Variants in RANBP17 observed in about 807,000 individuals in gnomAD.
RANBP17 encodes the protein ran-binding protein 17.
A neutral mutation model predicts 141.2 loss-of-function variants in RANBP17; 158 were observed. The observed-to-expected ratio is 1.12, with a 90% confidence interval of 0.98 to 1.28. The LOEUF (loss-of-function observed/expected upper bound fraction) is 1.28, where lower values mean the gene tolerates loss of function less well. Ranked by LOEUF, RANBP17 falls within the 50% of genes most tolerant of loss-of-function variation. The probability of loss-of-function intolerance (pLI) is 0.00; values close to 1 mark genes in which losing one functional copy is unlikely to be tolerated. For synonymous variants in RANBP17, 430 were observed against 450.0 expected (o/e 0.96, Z 0.56); for missense variants, 1,438 against 1,290.7 (o/e 1.11, Z -1.75).
In RANBP17 at chr5:170,924,449, CAT is replaced by C. The variant is rs1182676953; in HGVS notation, c.1368_1369del (p.Ala458SerfsTer56). ...GTCAGCAGATGTGAATATGAAAAGA[CAT>C]GTGCTCTTCTTGTGCAGTTATTCGA... On this transcript the variant is annotated frameshift_variant, in exon 12 of 28. Coordinates refer to ENST00000523189, the MANE Select transcript of RANBP17 (RefSeq NM_022897.5). LOFTEE classifies it high-confidence loss of function. The C allele has an allele frequency of 1.8e-5, 29 of 1,613,394 alleles. No individual in the cohort carries two copies. The highest frequency in any genetic ancestry group is 6.7e-5 in the African/African-American group (5 of 74,910).
At chr5:171,044,390 A>T (rs189802807) in intron 14 of RANBP17, among the ~76,000 whole-genome samples, 17 of 151,954 alleles carry the variant, frequency 1.1e-4, no homozygotes, top group Non-Finnish European at 2.2e-4. Flanking sequence ...AGAATTTTTT[A>T]TGTTGGAAAC....
rs1249210727 is a variant in RANBP17, at chr5:171,221,778, A to C, written c.2360A>C (p.Asp787Ala). ...CTTAGATCCCAGCGTTTGAATTTTG[A>C]TGTATCATCTCCTAATGGAATTCTT... ...MQNRSQRLNF[D>A]VSSPNGILLF... Residue 787 changes from aspartate to alanine, a missense_variant, in exon 22 of 28, where the codon GAT becomes GCT. Coordinates refer to ENST00000523189, the MANE Select transcript of RANBP17 (RefSeq NM_022897.5). 3 of 1,609,666 alleles carry C rather than the reference A, an allele frequency of 1.9e-6. No homozygotes were observed. The highest frequency in any genetic ancestry group is 1.3e-5 in the African/African-American group (1 of 74,776).
intron 1 of RANBP17, among the ~76,000 whole-genome samples, chr5:170,871,105 A>G (rs562826398): frequency 7.4e-4 from 112 of 152,088 alleles, no homozygotes; most frequent in Middle Eastern, 3.4e-3. Context: ...CTGGAGTGCA[A>G]TGGCACAATC....
chr5:171,298,798 G>T lies in RANBP17; in HGVS notation c.3207G>T (p.Val1069=), dbSNP rs752493836. 1 of 1,614,052 alleles carries T rather than the reference G, an allele frequency of 6.2e-7. No individual in the cohort carries two copies. Among genetic ancestry groups the T allele is most frequent in the African/African-American group, 1.3e-5 (1 of 74,936 alleles). Residue 1069 remains valine, a synonymous_variant, in exon 28 of 28, where the codon GTG becomes GTT. Coordinates refer to ENST00000523189, the MANE Select transcript of RANBP17 (RefSeq NM_022897.5). ...TQNLSVFRRD[V]AEALRSDGNT... ...ATCTGTCTGTATTCAGAAGAGATGT[G>T]GCAGAGGCGTTGCGCAGTGATGGCA...
chr5:171,025,569 T>TTTTTTTTC (rs1008685766), intron 14 of RANBP17, among the ~76,000 whole-genome samples: 3 of 148,668 alleles, frequency 2.0e-5, no homozygotes, highest in East Asian at 3.9e-4. Flanking sequence ...CTTAGTCCTT[T>TTTTTTTTC]TTTTTTTCTT....
chr5:170,967,807 T>A (rs1776693937), intron 13 of RANBP17, among the ~76,000 whole-genome samples: 1 of 151,680 alleles, frequency 6.6e-6, no homozygotes, highest in Non-Finnish European at 1.5e-5. Context: ...AGTCATGACC[T>A]CAAAATATTT....
chr5:171,123,087 G>C (rs1460072206), intron 14 of RANBP17, among the ~76,000 whole-genome samples: 1 of 152,168 alleles, frequency 6.6e-6, no homozygotes, highest in African/African-American at 2.4e-5. Context: ...CCTGAGAACT[G>C]CCTCCCTGGT....
At chr5:171,276,159 G>A (rs1342237962) in intron 25 of RANBP17, among the ~76,000 whole-genome samples, 2 of 152,166 alleles carry the variant, frequency 1.3e-5, no homozygotes, top group Non-Finnish European at 2.9e-5. Flanking sequence ...ACTCAAGAAT[G>A]GCTTAAAGGG....
intron 4 of RANBP17, among the ~76,000 whole-genome samples, chr5:170,893,517 G>T (rs533887162): frequency 6.6e-6 from 1 of 152,258 alleles, no homozygotes; most frequent in South Asian, 2.1e-4. Flanking sequence ...ATCTGGACTG[G>T]GCGTGGTGGC....
At chr5:170,982,455 C>T (rs933185373) in intron 14 of RANBP17, among the ~76,000 whole-genome samples, 5 of 151,938 alleles carry the variant, frequency 3.3e-5, no homozygotes, top group African/African-American at 1.2e-4. Flanking sequence ...AATATTAAAA[C>T]CATTAAAAGG....
chr5:171,216,836 T>C (rs1763250487), intron 21 of RANBP17, among the ~76,000 whole-genome samples: 1 of 152,228 alleles, frequency 6.6e-6, no homozygotes, highest in Non-Finnish European at 1.5e-5. Flanking sequence ...TTTCTAAATA[T>C]ACAATCATGT....
chr5:170,942,287 G>GA (rs1774388032), intron 12 of RANBP17, among the ~76,000 whole-genome samples: 1 of 152,066 alleles, frequency 6.6e-6, no homozygotes, highest in Non-Finnish European at 1.5e-5. Context: ...TGCTGCTCTA[G>GA]AAAATCTGTA....
chr5:171,057,658 A>C (rs1783490787), intron 14 of RANBP17, among the ~76,000 whole-genome samples: 1 of 79,636 alleles, frequency 1.3e-5, no homozygotes, highest in South Asian at 1.1e-3. Flanking sequence ...TTGATAATTT[A>C]TAAAGCTTCA....
At chr5:171,098,078 A>G (rs1233330708) in intron 14 of RANBP17, among the ~76,000 whole-genome samples, 1 of 152,126 alleles carries the variant, frequency 6.6e-6, no homozygotes, top group African/African-American at 2.4e-5. Context: ...GCTATTGTGA[A>G]TAGTGCTGCA....
At chr5:171,100,949 A>G (rs1383674541) in intron 14 of RANBP17, among the ~76,000 whole-genome samples, 1 of 152,160 alleles carries the variant, frequency 6.6e-6, no homozygotes, top group African/African-American at 2.4e-5. Context: ...ATTTGATTGC[A>G]CTGTGTTCAG....
chr5:171,080,696 G>C (rs1469471731), intron 14 of RANBP17, among the ~76,000 whole-genome samples: 1 of 152,158 alleles, frequency 6.6e-6, no homozygotes, highest in Admixed American at 6.6e-5. Flanking sequence ...GCTGCTTAAG[G>C]ACTTCAACCT....
intron 16 of RANBP17, among the ~76,000 whole-genome samples, chr5:171,182,842 G>A (rs966703119): frequency 1.4e-4 from 22 of 151,938 alleles, no homozygotes; most frequent in African/African-American, 4.1e-4. Flanking sequence ...GTAGAAGTTC[G>A]TAAGTTACAC....
chr5:170,896,274 A>T, intron 5 of RANBP17, 159 bp downstream of exon 5: 2 of 579,172 alleles, frequency 3.5e-6, no homozygotes, highest in Admixed American at 6.8e-5. Context: ...TTGATGGGCT[A>T]ATTAAGTGGT....
chr5:171,262,149 A>G (rs1052129780), intron 24 of RANBP17, among the ~76,000 whole-genome samples: 7 of 152,144 alleles, frequency 4.6e-5, no homozygotes, highest in Admixed American at 2.6e-4. Context: ...AGTCTTTATA[A>G]TTTTTATATG....
Sources: gnomAD v4.1 joint callset for allele counts (sites outside exome capture counted in the v4.1 genomes callset) on GRCh38, gnomAD v4.1.1 for gene constraint, MANE v1.5 for transcripts, NCBI Gene and HGNC (gene_info 2026-07-23, HGNC 2026-07-21) for gene names.